The following MAN2A1 variants were observed in gnomAD, a reference collection of about 807,000 sequenced individuals.
MAN2A1 encodes alpha-mannosidase 2.
In MAN2A1, 76 loss-of-function variants were observed where a neutral mutation model predicts 142.6. That is an observed-to-expected ratio of 0.53 (90% CI 0.44 to 0.65). The LOEUF (loss-of-function observed/expected upper bound fraction) is 0.65. Among genes scored for constraint, MAN2A1 ranks in the 30% least tolerant of loss-of-function variants. The probability of loss-of-function intolerance (pLI) is 0.00; values close to 1 mark genes in which losing one functional copy is unlikely to be tolerated. For missense variants in MAN2A1, 1,311 were observed against 1,365.1 expected (o/e 0.96, Z 0.62); for synonymous variants, 559 against 473.2 (o/e 1.18, Z -2.35).
At chr5:109,743,446 G>A (rs1034136233) in intron 4 of MAN2A1, among the ~76,000 whole-genome samples, 1 of 152,168 alleles carries the variant, frequency 6.6e-6, no homozygotes, top group Non-Finnish European at 1.5e-5. Context: ...TCATTCTCCT[G>A]TTGAGGAATC....
At chr5:109,701,005 G>A (rs369880677) in intron 1 of MAN2A1, among the ~76,000 whole-genome samples, 41 of 152,340 alleles carry the variant, frequency 2.7e-4, no homozygotes, top group African/African-American at 8.7e-4. Flanking sequence ...AGTTAAAGAG[G>A]TTAGAATGTT....
chr5:109,845,686 C>G (rs17162341), intron 17 of MAN2A1, among the ~76,000 whole-genome samples, 179 bp from the exon 18 acceptor site: 26,152 of 152,122 alleles, frequency 0.17, 3,212 homozygotes, highest in East Asian at 0.64. Context: ...TTTCTAATAT[C>G]CTTGTGGTTT....
At chr5:109,822,171 C>CTTTTTTTTT (rs1279030258) in intron 15 of MAN2A1, among the ~76,000 whole-genome samples, 1 of 123,004 alleles carries the variant, frequency 8.1e-6, no homozygotes. Context: ...TGGGGTTTTT[C>CTTTTTTTTT]TTTTTTTTTT....
rs555861735 is a variant in MAN2A1, at chr5:109,740,946, A to G, written c.707+11433A>G. Among the ~76,000 whole-genome samples the G allele has an allele frequency of 2.0e-5, 3 of 152,246 alleles. No individual in the cohort carries two copies. In the East Asian group the frequency reaches 5.8e-4, roughly 29 times the overall value. ...TTGGTTATTTTTCTTAGGTTGAACC[A>G]TATAAAATTGCCAATATTTGACTAC... is the stretch of plus-strand genomic sequence containing the variant. On this transcript the variant is annotated intron_variant, in intron 4 of 21. Transcript: ENST00000261483.
At chr5:109,833,768 G>A (rs1448252916) in intron 16 of MAN2A1, among the ~76,000 whole-genome samples, 1 of 152,148 alleles carries the variant, frequency 6.6e-6, no homozygotes, top group African/African-American at 2.4e-5. Context: ...GAACTCCTGA[G>A]TTAGATGCCA....
intron 8 of MAN2A1, among the ~76,000 whole-genome samples, chr5:109,779,059 G>A (rs1174424626): frequency 6.6e-6 from 1 of 151,974 alleles, no homozygotes; most frequent in African/African-American, 2.4e-5. Flanking sequence ...ATTCTTAAAG[G>A]TGTCCTAAAT....
At chr5:109,760,563 T>A (rs1251388969) in intron 5 of MAN2A1, among the ~76,000 whole-genome samples, 1 of 152,176 alleles carries the variant, frequency 6.6e-6, no homozygotes, top group Admixed American at 6.6e-5. Context: ...CACCACACCG[T>A]CTTCCACAAT....
intron 14 of MAN2A1, 115 bp downstream of exon 14, chr5:109,820,002 C>CTT: frequency 1.2e-6 from 1 of 859,430 alleles, no homozygotes; most frequent in Non-Finnish European, 1.8e-6. Flanking sequence ...ATCAAATACT[C>CTT]TTGAGTAAAA....
At position 109,713,675 on chromosome 5, in the gene MAN2A1, T is replaced by G; in HGVS notation, c.291T>G (p.Gly97=). 1 of 1,614,236 alleles carries G rather than the reference T, an allele frequency of 6.2e-7. No individual in the cohort carries two copies. Among genetic ancestry groups the G allele is most frequent in the Non-Finnish European group, 8.5e-7 (1 of 1,180,030 alleles). Residue 97 remains glycine (G), a synonymous_variant, in exon 2 of 22, where the codon GGT becomes GGG. Coordinates refer to ENST00000261483, the MANE Select transcript of MAN2A1 (RefSeq NM_002372.4). ...GTTCACAAAGCAATTTCAGCCAAGG[T>G]GCTGGCTCACATCTTCTGCCCTCAC... The part of the protein sequence containing the change: ...PKSSQSNFSQ[G]AGSHLLPSQL...
chr5:109,694,563 G>A (rs1001737538), intron 1 of MAN2A1, among the ~76,000 whole-genome samples: 13 of 151,832 alleles, frequency 8.6e-5, no homozygotes, highest in Non-Finnish European at 1.9e-4. Context: ...TTGACCAACT[G>A]GTTTCAAATT....
At chr5:109,802,559 A>AT (rs1754059183) in intron 12 of MAN2A1, among the ~76,000 whole-genome samples, 1 of 152,142 alleles carries the variant, frequency 6.6e-6, no homozygotes, top group Non-Finnish European at 1.5e-5. Flanking sequence ...AACCATTTTG[A>AT]TTCTTCTAAA....
chr5:109,740,795 T>G (rs536550030), intron 4 of MAN2A1, among the ~76,000 whole-genome samples: 1 of 152,322 alleles, frequency 6.6e-6, no homozygotes, highest in South Asian at 2.1e-4. Flanking sequence ...AGTACTTGAA[T>G]TATTTCAGTT....
intron 16 of MAN2A1, among the ~76,000 whole-genome samples, chr5:109,832,760 G>A (rs1003601936): frequency 6.6e-6 from 1 of 151,124 alleles, no homozygotes; most frequent in African/African-American, 2.4e-5. Context: ...GCGGCTGGCC[G>A]GGCCGGGGCT....
At chr5:109,854,724 A>G (rs1262909882) in intron 19 of MAN2A1, 2 of 154,340 alleles carry the variant, frequency 1.3e-5, no homozygotes, top group Non-Finnish European at 2.9e-5. Flanking sequence ...AAATGAAACT[A>G]CAAGAATATG....
At chr5:109,724,111 G>T (rs1399977861) in intron 3 of MAN2A1, among the ~76,000 whole-genome samples, 2 of 152,184 alleles carry the variant, frequency 1.3e-5, no homozygotes, top group African/African-American at 2.4e-5. Context: ...TTGAGTAATA[G>T]TAATACCATT....
Position 109,755,315 on chromosome 5 carries a change from T to TAA in MAN2A1, c.708-13_708-12insAA. The TAA allele has an allele frequency of 2.5e-6, 4 of 1,600,376 alleles. No homozygotes were observed. The highest frequency in any genetic ancestry group is 2.2e-5 in the South Asian group (2 of 89,730). ...AACATTTATTAATGTAGACTCTTGT[T>TAA]ATTTTCTCTCTAGTTTAATAGAAAA... is the stretch of plus-strand genomic sequence containing the variant. On this transcript the variant is annotated splice_polypyrimidine_tract_variant and intron_variant, in intron 4 of 21. Transcript: ENST00000261483.
intron 3 of MAN2A1, among the ~76,000 whole-genome samples, chr5:109,721,296 A>G (rs774963045): frequency 1.1e-4 from 16 of 152,042 alleles, no homozygotes; most frequent in African/African-American, 2.4e-4. Context: ...AAATTATTCT[A>G]TTTCTTTTCT....
chr5:109,803,300 C>A (rs1358908502), intron 12 of MAN2A1, among the ~76,000 whole-genome samples: 1 of 151,660 alleles, frequency 6.6e-6, no homozygotes, highest in East Asian at 1.9e-4. Context: ...GTTCTGAGAC[C>A]ACCTGCTAAA....
At chr5:109,730,865 A>G (rs532476420) in intron 4 of MAN2A1, among the ~76,000 whole-genome samples, 19 of 152,246 alleles carry the variant, frequency 1.2e-4, no homozygotes, top group African/African-American at 4.1e-4. Flanking sequence ...TTCTTTGCAC[A>G]CTGCGCCATC....
Sources: allele counts gnomAD v4.1 joint callset (sites outside exome capture counted in the v4.1 genomes callset), GRCh38; gene constraint gnomAD v4.1.1; transcripts MANE v1.5; gene names NCBI Gene and HGNC (gene_info 2026-07-23, HGNC 2026-07-21).